PDXDC1: variants seen among roughly 807,000 people sequenced by gnomAD.
The protein encoded by PDXDC1 is pyridoxal dependent decarboxylase domain containing 1, also known as pyridoxal-dependent decarboxylase domain-containing protein 1.
In PDXDC1, 42 loss-of-function variants were observed where a neutral mutation model predicts 100.1. That is an observed-to-expected ratio of 0.42 (90% confidence interval 0.33 to 0.54). The LOEUF is 0.54. Among genes scored for constraint, PDXDC1 ranks in the 20% least tolerant of loss-of-function variants. The probability of loss-of-function intolerance (pLI) is 0.10; values close to 1 mark genes in which losing one functional copy is unlikely to be tolerated. For synonymous variants in PDXDC1, 260 were observed against 371.7 expected (o/e 0.70, Z 3.46); for missense variants, 636 against 979.2 (o/e 0.65, Z 4.68).
intron 16 of PDXDC1, among the ~76,000 whole-genome samples, chr16:15,077,624 G>T (rs2045517807): frequency 6.6e-6 from 1 of 152,170 alleles, no homozygotes; most frequent in Non-Finnish European, 1.5e-5. Flanking sequence ...GACGGATCAT[G>T]AGGTCAGGAG....
chr16:14,996,227 A>G (rs1417044066), intron 1 of PDXDC1: 5 of 268,258 alleles, frequency 1.9e-5, no homozygotes, highest in African/African-American at 1.1e-4. Context: ...TCTTATATTG[A>G]TAAATGGAGT....
chr16:15,130,840 C>CG, intron 16 of PDXDC1: 1 of 760,338 alleles, frequency 1.3e-6, no homozygotes, highest in Non-Finnish European at 2.3e-6. Flanking sequence ...CTCAACCACC[C>CG]GGGGGACACC....
At position 15,036,507 on chromosome 16, in the gene PDXDC1, G is replaced by C. The variant is rs780486787; in HGVS notation, c.*232G>C. The C allele has an allele frequency of 1.9e-6, 1 of 538,894 alleles. No individual in the cohort carries two copies. Among genetic ancestry groups the C allele is most frequent in the Non-Finnish European group, 3.3e-6 (1 of 307,334 alleles). 33.4% of individuals were successfully genotyped at this position (538,894 alleles called of 1,614,324 possible). A position where few individuals can be genotyped will look rare whatever the true frequency, so the allele number is the denominator to read the frequency against. On this transcript the variant is annotated 3_prime_UTR_variant, in exon 23 of 23. Transcript: ENST00000396410. ...CTGTCCTACTACGACTTTTCCCTAA[G>C]TTACCATAAACACATTTTATTCACA...
chr16:15,135,344 ACGCCAGC>A lies in PDXDC1; in HGVS notation c.1400-3525_1400-3519del, dbSNP rs1013419944. On this transcript the variant is annotated intron_variant, in intron 16 of 16. Coordinates refer to the PDXDC1 transcript ENST00000535621. ...CACGGTGAGGCTGAAGGTGTACTCC[ACGCCAGC>A]CGCCAGCCGTTCCCGTGGAATGGTG... 5 of 1,539,706 alleles carry A rather than the reference ACGCCAGC, an allele frequency of 3.2e-6. No homozygotes were observed. The African/African-American group carries it at 6.9e-5, about 21-fold the overall frequency.
chr16:15,030,647 G>A lies in PDXDC1; in HGVS notation c.1399+591G>A, dbSNP rs940571552. 5.3e-5 allele frequency among the ~76,000 whole-genome samples: 8 copies of A among 150,878 alleles called. No homozygotes were observed. In the East Asian group the frequency reaches 1.6e-3, roughly 30 times the overall value. On this transcript the variant is annotated intron_variant, in intron 16 of 22. Transcript: ENST00000396410. ...CACCCAGGCTGGAGTGCAGTGGTGC[G>A]ATCATGGCTCACTGCAGCCTTGACC... is the stretch of plus-strand genomic sequence containing the variant.
chr16:15,097,367 G>C (rs1223917091), intron 16 of PDXDC1, among the ~76,000 whole-genome samples: 1 of 148,698 alleles, frequency 6.7e-6, no homozygotes, highest in Non-Finnish European at 1.5e-5. Context: ...GCTCCTGCCT[G>C]TAATCCCAGC....
chr16:15,137,753 C>T (rs2048395429), intron 16 of PDXDC1: 11 of 1,515,704 alleles, frequency 7.3e-6, no homozygotes, highest in Non-Finnish European at 9.8e-6. Context: ...CCGGCACTCA[C>T]CACAGCCACT....
chr16:15,122,132 C>A (rs1359767635), intron 16 of PDXDC1, among the ~76,000 whole-genome samples: 9 of 152,020 alleles, frequency 5.9e-5, no homozygotes, highest in African/African-American at 1.9e-4. Flanking sequence ...CCACTGCACT[C>A]CAGCCTGGGC....
At chr16:15,030,888 T>A (rs1243404976) in intron 16 of PDXDC1, among the ~76,000 whole-genome samples, 1 of 152,100 alleles carries the variant, frequency 6.6e-6, no homozygotes, top group Non-Finnish European at 1.5e-5. Flanking sequence ...CCGGGAGCTT[T>A]ACACACAACC....
intron 16 of PDXDC1, chr16:15,106,431 T>A: frequency 1.6e-6 from 1 of 621,974 alleles, no homozygotes; most frequent in Non-Finnish European, 2.8e-6. Context: ...AATCTATCTC[T>A]ACCTAGAAAA....
chr16:15,142,236 G>GC (rs1190826000), downstream of PDXDC1, among the ~76,000 whole-genome samples: 7 of 152,038 alleles, frequency 4.6e-5, no homozygotes, highest in South Asian at 2.1e-4. Flanking sequence ...GGACCCCAGA[G>GC]CCCCCCCGCT....
At chr16:15,092,683 T>C (rs1209525511) in intron 16 of PDXDC1, 12 of 1,043,208 alleles carry the variant, frequency 1.2e-5, no homozygotes, top group South Asian at 2.6e-5. Context: ...CCAACATTTA[T>C]TGAACCAACA....
intron 16 of PDXDC1, among the ~76,000 whole-genome samples, chr16:15,066,105 C>G (rs2044958433): frequency 6.6e-6 from 1 of 152,218 alleles, no homozygotes; most frequent in African/African-American, 2.4e-5. Context: ...TCTCAGGTCA[C>G]CATGGCAACT....
At chr16:15,084,211 AT>A (rs1282125453) in intron 16 of PDXDC1, among the ~76,000 whole-genome samples, 5 of 152,076 alleles carry the variant, frequency 3.3e-5, no homozygotes, top group East Asian at 1.9e-4. Flanking sequence ...ATCAAGTTGG[AT>A]TTTTTTTAAG....
At chr16:15,055,302 G>C (rs1286573279) in intron 16 of PDXDC1, among the ~76,000 whole-genome samples, 1 of 152,222 alleles carries the variant, frequency 6.6e-6, no homozygotes, top group Non-Finnish European at 1.5e-5. Flanking sequence ...CCGTGCATCA[G>C]GGCGTGGTCC....
In PDXDC1 at chr16:15,137,451, G is replaced by C. The variant is rs992767002; in HGVS notation, c.1400-1428G>C. ...AAGCAGAAGGCGCTGCAGGCCTCTGGCTGAAGCAGGCCTTCGTGGGCAGCT... is the reference window on the plus strand; with the variant it reads ...AAGCAGAAGGCGCTGCAGGCCTCTGCCTGAAGCAGGCCTTCGTGGGCAGCT... On this transcript the variant is annotated intron_variant, in intron 16 of 16. Transcript: ENST00000535621. 3 of 1,156,018 alleles carry C rather than the reference G, an allele frequency of 2.6e-6. No homozygotes were observed. The African/African-American group carries it at 4.6e-5, about 18-fold the overall frequency. 71.6% of individuals were successfully genotyped at this position (1,156,018 alleles called of 1,614,324 possible).
intron 16 of PDXDC1, among the ~76,000 whole-genome samples, chr16:15,079,300 G>A (rs141171380): frequency 0.014 from 2,103 of 152,178 alleles, 22 homozygotes; most frequent in Non-Finnish European, 0.024. Flanking sequence ...ACCTTAGTGC[G>A]GGCCTCCTTA....
chr16:15,111,075 C>T lies in PDXDC1; in HGVS notation c.1400-27804C>T, dbSNP rs545777177. On this transcript the variant is annotated intron_variant, in intron 16 of 16. Transcript: ENST00000535621. ...GCTGGGAGGCGGAGGTTGCAGTGAG[C>T]GGAGATCACACCACTGCACTCCAGC... is the stretch of plus-strand genomic sequence containing the variant. 2.9e-4 allele frequency among the ~76,000 whole-genome samples: 43 copies of T among 148,510 alleles called. 3 individuals are homozygous for T. In the South Asian group the frequency reaches 6.3e-3, roughly 22 times the overall value.
chr16:15,092,636 G>C (rs766648808), intron 16 of PDXDC1: 4 of 1,367,480 alleles, frequency 2.9e-6, no homozygotes, highest in Non-Finnish European at 4.2e-6. Flanking sequence ...AGATTAACAA[G>C]CTATTAAGTT....
Sources: gnomAD v4.1 joint callset for allele counts (sites outside exome capture counted in the v4.1 genomes callset) on GRCh38, gnomAD v4.1.1 for gene constraint, MANE v1.5 for transcripts, NCBI Gene and HGNC (gene_info 2026-07-23, HGNC 2026-07-21) for gene names.